Variants in GAB2 observed in about 807,000 individuals in gnomAD.
The protein encoded by GAB2 is GRB2-associated-binding protein 2.
Under a neutral mutation model 65.5 loss-of-function variants are expected in GAB2, and 26 were observed. The observed-to-expected ratio is 0.40, with a 90% confidence interval of 0.29 to 0.55. The LOEUF (loss-of-function observed/expected upper bound fraction) is 0.55, where lower values mean the gene tolerates loss of function less well. GAB2 is among the 20% of genes least tolerant of loss of function. The pLI, the probability that GAB2 is intolerant of heterozygous loss-of-function variation, is 0.53. For synonymous variants in GAB2, 321 were observed against 329.6 expected (o/e 0.97, Z 0.28); for missense variants, 884 against 875.8 (o/e 1.01, Z -0.12).
intron 2 of GAB2, among the ~76,000 whole-genome samples, chr11:78,263,045 G>C (rs1406968486): frequency 6.6e-6 from 1 of 152,244 alleles, no homozygotes. Context: ...GCCCTTTACA[G>C]AGAAAGTTTG....
intron 8 of GAB2, among the ~76,000 whole-genome samples, chr11:78,220,737 T>G (rs1864383392): frequency 6.6e-6 from 1 of 152,188 alleles, no homozygotes; most frequent in Non-Finnish European, 1.5e-5. Flanking sequence ...CAGGTCTGTT[T>G]TCTGACTTCC....
chr11:78,408,706 T>C (rs1337477560), intron 1 of GAB2, among the ~76,000 whole-genome samples: 1 of 152,222 alleles, frequency 6.6e-6, no homozygotes, highest in African/African-American at 2.4e-5. Flanking sequence ...GATTGGATTA[T>C]GGAGGTGGAG....
chr11:78,336,499 G>A (rs1234033851), intron 1 of GAB2, among the ~76,000 whole-genome samples: 5 of 118,402 alleles, frequency 4.2e-5, no homozygotes, highest in Admixed American at 8.9e-5. Context: ...TTTTTTTGGT[G>A]AAGTCTTTAG....
intron 1 of GAB2, among the ~76,000 whole-genome samples, chr11:78,325,795 A>C (rs1182721061): frequency 1.3e-5 from 2 of 152,194 alleles, no homozygotes; most frequent in Middle Eastern, 3.2e-3. Flanking sequence ...TTCACAGGTA[A>C]TTTCTCTAGA....
rs1266434612 is a variant in GAB2, at chr11:78,270,709, CT to C, written c.376+9891del. Among the ~76,000 whole-genome samples the C allele has an allele frequency of 2.6e-5, 4 of 152,298 alleles. No homozygotes were observed. The East Asian group carries it at 7.7e-4, about 29-fold the overall frequency. Reference sequence around the variant, plus strand: ...AAACACCAAATATTTAAATTATATTCTGTTCATCTTGTCCTACAGACATAGA... The same window carrying C: ...AAACACCAAATATTTAAATTATATTCGTTCATCTTGTCCTACAGACATAGA... On this transcript the variant is annotated intron_variant, in intron 2 of 9. Coordinates refer to ENST00000361507, the MANE Select transcript of GAB2 (RefSeq NM_080491.3).
intron 1 of GAB2, among the ~76,000 whole-genome samples, chr11:78,371,636 C>G (rs564799493): frequency 6.6e-6 from 1 of 152,210 alleles, no homozygotes; most frequent in African/African-American, 2.4e-5. Flanking sequence ...TCTTTGGTGT[C>G]CACCTTTGCT....
intron 3 of GAB2, among the ~76,000 whole-genome samples, chr11:78,246,808 T>C (rs1260068397): frequency 6.6e-6 from 1 of 152,168 alleles, no homozygotes; most frequent in Non-Finnish European, 1.5e-5. Flanking sequence ...CGAGAAGTGA[T>C]ATTTTTATAG....
chr11:78,360,360 G>C (rs143152895), intron 1 of GAB2, among the ~76,000 whole-genome samples: 69 of 147,344 alleles, frequency 4.7e-4, no homozygotes, highest in Middle Eastern at 3.5e-3. Flanking sequence ...CTTGAGACCA[G>C]CCTGGACAAT....
chr11:78,225,428 T>G (rs1190774957), intron 4 of GAB2, among the ~76,000 whole-genome samples: 4 of 152,222 alleles, frequency 2.6e-5, no homozygotes, highest in Non-Finnish European at 5.9e-5. Flanking sequence ...AAGCTGTCCT[T>G]GACTACTCTA....
chr11:78,394,651 A>G (rs1856873513), intron 1 of GAB2, among the ~76,000 whole-genome samples: 1 of 152,020 alleles, frequency 6.6e-6, no homozygotes, highest in South Asian at 2.1e-4. Flanking sequence ...ACTGAGCAAG[A>G]AGGAGCAGCA....
Position 78,226,975 on chromosome 11 carries a change from C to T in GAB2, c.697G>A (p.Gly233Ser). ...ATCCCGTTGACACAGTGTCCATTGC[C>T]CTGGGCAAGTTTTTGTACAGCTGTG... is the stretch of plus-strand genomic sequence containing the variant. ...SDTAVQKLAQ[G>S]NGHCVNGISG... is the part of the protein sequence containing the mutation. Residue 233 changes from glycine to serine, a missense_variant, in exon 4 of 10, where the codon GGC (glycine) becomes AGC (serine). Gly to Ser is a moderately conservative substitution (Grantham distance 56). Transcript: ENST00000361507. The T allele has an allele frequency of 6.2e-7, 1 of 1,613,766 alleles. No homozygotes were observed. The highest frequency in any genetic ancestry group is 8.5e-7 in the Non-Finnish European group (1 of 1,179,840).
In GAB2 at chr11:78,337,137, AAT is replaced by A. The variant is rs143619098; in HGVS notation, c.76-56238_76-56237del. 5.1e-3 allele frequency among the ~76,000 whole-genome samples: 783 copies of A among 152,328 alleles called. 4 individuals are homozygous for A. The highest frequency in any genetic ancestry group is 0.018 in the African/African-American group (733 of 41,562). On this transcript the variant is annotated intron_variant, in intron 1 of 9. Coordinates refer to ENST00000361507, the MANE Select transcript of GAB2 (RefSeq NM_080491.3). ...AATGCTTCTTGCTCAATGTTCATCT[AAT>A]ACCTTTGGGTTCCAAGATCTCAACA...
At chr11:78,235,093 T>A (rs1228746917) in intron 3 of GAB2, among the ~76,000 whole-genome samples, 2 of 152,082 alleles carry the variant, frequency 1.3e-5, no homozygotes, top group Non-Finnish European at 2.9e-5. Context: ...AGATTAACAT[T>A]AGGCTCCTTG....
chr11:78,245,003 T>C (rs1177123895), intron 3 of GAB2, among the ~76,000 whole-genome samples: 1 of 152,190 alleles, frequency 6.6e-6, no homozygotes, highest in Non-Finnish European at 1.5e-5. Context: ...TATTGCATCA[T>C]TAGTCACGAT....
chr11:78,381,307 T>C (rs1856694501), intron 1 of GAB2, among the ~76,000 whole-genome samples: 1 of 152,174 alleles, frequency 6.6e-6, no homozygotes, highest in Admixed American at 6.5e-5. Context: ...AACTTTAGGT[T>C]TGATTTGAGG....
At chr11:78,317,302 G>A (rs949436970) in intron 1 of GAB2, among the ~76,000 whole-genome samples, 4 of 152,108 alleles carry the variant, frequency 2.6e-5, no homozygotes, top group Non-Finnish European at 4.4e-5. Flanking sequence ...AGTGGCTCAC[G>A]CCTGTAATCC....
rs927000659 is a variant in GAB2 at position 78,280,922 on chromosome 11, G to A, written c.76-21C>T. Reference sequence around the variant, plus strand: ...CAGGCCTAAATCATATCAGGAAGGAGTAAGAAGAGGGGGAAGAAGTCATTA... The same window carrying A: ...CAGGCCTAAATCATATCAGGAAGGAATAAGAAGAGGGGGAAGAAGTCATTA... On this transcript the variant is annotated intron_variant, in intron 1 of 9. Transcript: ENST00000361507. 4 of 1,594,098 alleles carry A rather than the reference G, an allele frequency of 2.5e-6. No homozygotes were observed. In the African/African-American group the frequency reaches 4.0e-5, roughly 16 times the overall value.
intron 1 of GAB2, among the ~76,000 whole-genome samples, chr11:78,370,862 C>G (rs1482682248): frequency 3.3e-5 from 5 of 152,138 alleles, no homozygotes; most frequent in Admixed American, 6.5e-5. Context: ...TCACTCCCTA[C>G]TTCCAGGCTG....
In GAB2 at chr11:78,221,772, A is replaced by T. The variant is rs142438889; in HGVS notation, c.1666T>A (p.Phe556Ile). Residue 556 changes from phenylalanine (F) to isoleucine (I), a missense_variant, in exon 8 of 10, where the codon TTC becomes ATC. Coordinates refer to ENST00000361507, the MANE Select transcript of GAB2 (RefSeq NM_080491.3). ...CAGTACTGGGAGGAGCTGGAGTTGA[A>T]GGTGTGGCTGTTGTGGGAAGGAAGA... is the stretch of plus-strand genomic sequence containing the variant. ...TKSWSRANHT[F>I]NSSSSQYCRP... 57 of 1,611,312 alleles carry T rather than the reference A, an allele frequency of 3.5e-5. No homozygotes were observed. Among genetic ancestry groups the T allele is most frequent in the Non-Finnish European group, 4.7e-5 (55 of 1,177,700 alleles).
Sources: allele counts gnomAD v4.1 joint callset (sites outside exome capture counted in the v4.1 genomes callset), GRCh38; gene constraint gnomAD v4.1.1; transcripts MANE v1.5; gene names NCBI Gene and HGNC (gene_info 2026-07-23, HGNC 2026-07-21).